TRHDE: variants seen among roughly 807,000 people sequenced by gnomAD.
TRHDE encodes thyrotropin releasing hormone degrading enzyme.
In TRHDE, 72 loss-of-function variants were observed where a neutral mutation model predicts 125.7. The ratio of observed to expected loss-of-function variants is 0.57; its 90% CI spans 0.47 to 0.70. The LOEUF (loss-of-function observed/expected upper bound fraction) is 0.70, where lower values mean the gene tolerates loss of function less well. Among genes scored for constraint, TRHDE ranks in the 30% least tolerant of loss-of-function variants. TRHDE has a pLI of 0.00. For missense variants in TRHDE, 1,110 were observed against 1,327.1 expected, an observed-to-expected ratio of 0.84 and a Z score of 2.54; for synonymous variants, 509 against 509.1, an observed-to-expected ratio of 1.00 and a Z score of 0.00.
chr12:72,520,366 G>A (rs763581716), intron 6 of TRHDE, among the ~76,000 whole-genome samples: 6 of 152,308 alleles, frequency 3.9e-5, no homozygotes, highest in African/African-American at 9.6e-5. Flanking sequence ...TAAGCCCGTC[G>A]GAAAAGCGCA....
At position 72,265,309 on chromosome 12, in the gene TRHDE, C is replaced by T. The variant is rs181924582; in HGVS notation, n.280-112686C>T. Among the ~76,000 whole-genome samples the T allele has an allele frequency of 1.7e-3, 256 of 151,946 alleles. 1 individual carries two copies. The highest frequency in any genetic ancestry group is 5.7e-3 in the African/African-American group (236 of 41,506). ...CTTGGATCCCCAAATATATTTTTCACCTAACTTTCAAGGCACTTGGAGAGT... is the reference window on the plus strand; with the variant it reads ...CTTGGATCCCCAAATATATTTTTCATCTAACTTTCAAGGCACTTGGAGAGT... On this transcript the variant is annotated intron_variant and non_coding_transcript_variant, in intron 2 of 4. Transcript: ENST00000548156.
intron 2 of TRHDE, among the ~76,000 whole-genome samples, chr12:72,135,573 G>C (rs955700294): frequency 6.7e-6 from 1 of 149,284 alleles, no homozygotes; most frequent in African/African-American, 2.5e-5. Flanking sequence ...TTAACTACAA[G>C]TTATTTTTAA....
At chr12:72,153,907 T>C (rs1876433849) in intron 2 of TRHDE, among the ~76,000 whole-genome samples, 1 of 152,204 alleles carries the variant, frequency 6.6e-6, no homozygotes, top group Non-Finnish European at 1.5e-5. Flanking sequence ...AGATGTCTAT[T>C]AGGTCCGCTT....
chr12:72,170,363 A>G (rs946644163), intron 2 of TRHDE, among the ~76,000 whole-genome samples: 2 of 152,150 alleles, frequency 1.3e-5, no homozygotes, highest in Non-Finnish European at 2.9e-5. Flanking sequence ...GAGGCCTAAA[A>G]AGCCAACAAG....
At chr12:72,635,535 T>G (rs1183028113) in intron 15 of TRHDE, among the ~76,000 whole-genome samples, 1 of 152,210 alleles carries the variant, frequency 6.6e-6, no homozygotes, top group Non-Finnish European at 1.5e-5. Flanking sequence ...TTGTGGCTTT[T>G]GTTGCCATTG....
intron 3 of TRHDE, among the ~76,000 whole-genome samples, chr12:72,397,766 T>C (rs1454280867): frequency 6.6e-6 from 1 of 152,162 alleles, no homozygotes; most frequent in Admixed American, 6.6e-5. Flanking sequence ...CATCCCCTGA[T>C]GACATTATCA....
chr12:72,330,330 T>TAAAA (rs58828483), intron 2 of TRHDE, among the ~76,000 whole-genome samples: 3 of 137,448 alleles, frequency 2.2e-5, no homozygotes, highest in East Asian at 4.2e-4. Context: ...CAAAGAAAAG[T>TAAAA]AAAAAAAAAA....
chr12:72,569,088 A>G (rs1422262617), intron 10 of TRHDE, among the ~76,000 whole-genome samples: 1 of 152,160 alleles, frequency 6.6e-6, no homozygotes, highest in Non-Finnish European at 1.5e-5. Context: ...CCATGGAATT[A>G]TATAATTACA....
chr12:72,473,628 T>A (rs1876753861), intron 5 of TRHDE, among the ~76,000 whole-genome samples: 1 of 152,142 alleles, frequency 6.6e-6, no homozygotes, highest in Admixed American at 6.5e-5. Context: ...ATTAAATGAC[T>A]TAATAAGAGG....
At chr12:72,134,197 TC>T (rs1173450389) in intron 2 of TRHDE, among the ~76,000 whole-genome samples, 1 of 152,168 alleles carries the variant, frequency 6.6e-6, no homozygotes, top group African/African-American at 2.4e-5. Flanking sequence ...AATTTCATTG[TC>T]CTTGGTCTGT....
chr12:72,437,077 C>T (rs1473619836), intron 3 of TRHDE, among the ~76,000 whole-genome samples: 1 of 151,826 alleles, frequency 6.6e-6, no homozygotes, highest in Non-Finnish European at 1.5e-5. Context: ...ACAATTTTTG[C>T]TTACACTACT....
At chr12:72,355,392 T>C (rs999012255) in intron 2 of TRHDE, among the ~76,000 whole-genome samples, 8 of 151,320 alleles carry the variant, frequency 5.3e-5, no homozygotes, top group African/African-American at 1.9e-4. Context: ...TCAGAGCAAA[T>C]AAAGGTTTCA....
chr12:72,328,139 G>A (rs17783239), intron 2 of TRHDE, among the ~76,000 whole-genome samples: 45,766 of 152,000 alleles, frequency 0.3, 8,744 homozygotes, highest in Non-Finnish European at 0.43. Flanking sequence ...TCAAATCTGA[G>A]GCCTGAAAAG....
intron 12 of TRHDE, among the ~76,000 whole-genome samples, chr12:72,590,926 T>C (rs1395629998): frequency 6.6e-6 from 1 of 152,206 alleles, no homozygotes; most frequent in African/African-American, 2.4e-5. Context: ...AATTACTTTT[T>C]GTTTTTTCCA....
intron 7 of TRHDE, among the ~76,000 whole-genome samples, chr12:72,544,769 T>G (rs1446412393): frequency 6.6e-6 from 1 of 151,564 alleles, no homozygotes; most frequent in Non-Finnish European, 1.5e-5. Context: ...TACATACATG[T>G]ATATGTGTGT....
At chr12:72,322,194 G>A in intron 2 of TRHDE, among the ~76,000 whole-genome samples, 1 of 152,134 alleles carries the variant, frequency 6.6e-6, no homozygotes, top group Non-Finnish European at 1.5e-5. Flanking sequence ...ATTCTCAGCT[G>A]AGGTCGAACA....
intron 2 of TRHDE, among the ~76,000 whole-genome samples, chr12:72,353,288 A>C (rs1440185465): frequency 6.6e-6 from 1 of 151,742 alleles, no homozygotes; most frequent in Admixed American, 6.6e-5. Flanking sequence ...TCACTTATTC[A>C]GATAGAAGCA....
At chr12:72,521,582 C>T (rs1467271125) in intron 6 of TRHDE, among the ~76,000 whole-genome samples, 1 of 152,188 alleles carries the variant, frequency 6.6e-6, no homozygotes, top group Non-Finnish European at 1.5e-5. Flanking sequence ...GCAGTTAGCT[C>T]AGTGCCATAA....
At chr12:72,355,501 G>T (rs1870775543) in intron 2 of TRHDE, among the ~76,000 whole-genome samples, 1 of 151,168 alleles carries the variant, frequency 6.6e-6, no homozygotes, top group Non-Finnish European at 1.5e-5. Flanking sequence ...AACTGGCAAA[G>T]ATTTCATGAC....
Sources: allele counts gnomAD v4.1 joint callset (sites outside exome capture counted in the v4.1 genomes callset), GRCh38; gene constraint gnomAD v4.1.1; transcripts MANE v1.5; gene names NCBI Gene and HGNC (gene_info 2026-07-23, HGNC 2026-07-21).